The following DSE variants were observed in gnomAD, a reference collection of about 807,000 sequenced individuals.
The protein encoded by DSE is dermatan sulfate epimerase.
Under a neutral mutation model 84.4 loss-of-function variants are expected in DSE, and 36 were observed. The observed-to-expected ratio is 0.43, with a 90% CI of 0.33 to 0.56. DSE has a LOEUF of 0.56. Among genes scored for constraint, DSE ranks in the 20% least tolerant of loss-of-function variants. The pLI, the probability that DSE is intolerant of heterozygous loss-of-function variation, is 0.06. For synonymous variants in DSE, 410 were observed against 430.1 expected (o/e 0.95, Z 0.58); for missense variants, 862 against 1,169.6 (o/e 0.74, Z 3.84).
intron 2 of DSE, among the ~76,000 whole-genome samples, chr6:116,275,665 T>C (rs1047751725): frequency 3.9e-5 from 6 of 152,140 alleles, no homozygotes; most frequent in African/African-American, 1.2e-4. Context: ...CCGGGCGTGG[T>C]AGCACGTGCC....
At chr6:116,312,957 G>A (rs1203551954) in intron 2 of DSE, among the ~76,000 whole-genome samples, 1 of 152,040 alleles carries the variant, frequency 6.6e-6, no homozygotes, top group Non-Finnish European at 1.5e-5. Flanking sequence ...AAATATATAT[G>A]TATATAGAAG....
intron 2 of DSE, among the ~76,000 whole-genome samples, chr6:116,348,884 C>T (rs1778152751): frequency 6.6e-6 from 1 of 151,258 alleles, no homozygotes; most frequent in South Asian, 2.1e-4. Flanking sequence ...GACAGAAAAC[C>T]AAACACCACA....
chr6:116,359,194 TAAAGA>T (rs1778750075), intron 2 of DSE, among the ~76,000 whole-genome samples: 2 of 152,124 alleles, frequency 1.3e-5, no homozygotes, highest in African/African-American at 4.8e-5. Context: ...AGTTTTAGTT[TAAAGA>T]AAAGGTTTGA....
chr6:116,338,175 CTCTT>C (rs1175457799), intron 2 of DSE, among the ~76,000 whole-genome samples: 3,150 of 122,860 alleles, frequency 0.026, 126 homozygotes, highest in African/African-American at 0.086. Flanking sequence ...CTGTCTCTTT[CTCTT>C]TCTTTCTTTC....
chr6:116,294,089 T>C (rs753604315), intron 2 of DSE, among the ~76,000 whole-genome samples: 2 of 152,136 alleles, frequency 1.3e-5, no homozygotes, highest in Non-Finnish European at 2.9e-5. Flanking sequence ...AGTGGCATGA[T>C]CACAGTTCTC....
intron 2 of DSE, among the ~76,000 whole-genome samples, chr6:116,306,302 A>G (rs1200454852): frequency 6.6e-6 from 1 of 152,236 alleles, no homozygotes; most frequent in East Asian, 1.9e-4. Flanking sequence ...TATCCAAACA[A>G]CAGACTTTAT....
At chr6:116,386,555 A>T (rs1232915759) in intron 1 of DSE, among the ~76,000 whole-genome samples, 1 of 152,244 alleles carries the variant, frequency 6.6e-6, no homozygotes, top group Non-Finnish European at 1.5e-5. Context: ...ATACATGCAA[A>T]GCGTTGCTAG....
intron 1 of DSE, among the ~76,000 whole-genome samples, chr6:116,396,156 T>A (rs1367012438): frequency 6.6e-6 from 1 of 152,206 alleles, no homozygotes; most frequent in African/African-American, 2.4e-5. Flanking sequence ...AGGGATTTGG[T>A]TCAGCACAGC....
chr6:116,382,684 G>A (rs774367949), intron 1 of DSE, among the ~76,000 whole-genome samples: 13 of 152,140 alleles, frequency 8.5e-5, no homozygotes, highest in Non-Finnish European at 1.5e-4. Flanking sequence ...GTGGAAAGGG[G>A]CAAAAACTCT....
intron 2 of DSE, among the ~76,000 whole-genome samples, chr6:116,294,170 T>A (rs552551408): frequency 1.1e-3 from 161 of 152,006 alleles, no homozygotes; most frequent in Middle Eastern, 3.4e-3. Flanking sequence ...ACTACAGGCA[T>A]GTGCCACCAT....
chr6:116,359,052 C>T (rs1416810436), intron 2 of DSE, among the ~76,000 whole-genome samples: 2 of 152,038 alleles, frequency 1.3e-5, no homozygotes, highest in East Asian at 3.8e-4. Flanking sequence ...TTTGGTTGAT[C>T]AAATTCTCTT....
At chr6:116,347,607 C>T (rs1471596373) in intron 2 of DSE, among the ~76,000 whole-genome samples, 4 of 152,198 alleles carry the variant, frequency 2.6e-5, no homozygotes, top group African/African-American at 7.2e-5. Context: ...AAAGCTGAAA[C>T]TGGATCCCTT....
In DSE at chr6:116,399,401, G is replaced by A. The variant is rs1781457340; in HGVS notation, c.151G>A (p.Ala51Thr). ...DSHPMLYFSR[A>T]EVAELQLRAA... ...CCATCCCATGCTGTACTTCTCCAGG[G>A]CAGAAGTGGCGGAGCTGCAGCTCAG... is the stretch of plus-strand genomic sequence containing the variant. Residue 51 changes from alanine to threonine, a missense_variant, in exon 2 of 6, where the codon GCA (alanine) becomes ACA (threonine). By Grantham distance (58) the Ala-to-Thr change is moderately conservative. Transcript: ENST00000644252. 1 of 1,614,144 alleles carries A rather than the reference G, an allele frequency of 6.2e-7. No homozygotes were observed. The highest frequency in any genetic ancestry group is 1.1e-5 in the South Asian group (1 of 91,086).
rs374225961 is a variant in DSE, at chr6:116,406,105, C to G, written c.416+6439C>G. ...TCTTTGTAAGATATGTTTATTGACT[C>G]TAAGATTCAGTATTGGTATGACCCT... On this transcript the variant is annotated intron_variant, in intron 2 of 5. Transcript: ENST00000644252. 3.0e-4 allele frequency among the ~76,000 whole-genome samples: 45 copies of G among 152,310 alleles called. No homozygotes were observed. The South Asian group carries it at 8.1e-3, about 27-fold the overall frequency.
chr6:116,400,846 T>G (rs578167231), intron 2 of DSE: 1 of 152,316 alleles, frequency 6.6e-6, no homozygotes, highest in East Asian at 1.9e-4. Context: ...AAAACTTATC[T>G]GATATTTGAA....
intron 1 of DSE, among the ~76,000 whole-genome samples, chr6:116,371,739 G>T (rs949423877): frequency 6.6e-6 from 1 of 152,210 alleles, no homozygotes; most frequent in Non-Finnish European, 1.5e-5. Context: ...CCCCGAGGCA[G>T]TCCCGGGGAG....
intron 2 of DSE, among the ~76,000 whole-genome samples, chr6:116,348,903 C>T (rs1201279794): frequency 6.6e-6 from 1 of 151,716 alleles, no homozygotes; most frequent in Non-Finnish European, 1.5e-5. Context: ...CATGTTCTCA[C>T]TCATAGGTGG....
intron 5 of DSE, among the ~76,000 whole-genome samples, chr6:116,435,152 A>G (rs1784068397): frequency 6.6e-6 from 1 of 152,236 alleles, no homozygotes; most frequent in Admixed American, 6.5e-5. Flanking sequence ...ACATTCAATA[A>G]TATCAGTTAC....
chr6:116,378,442 A>G (rs1780049619), intron 1 of DSE, among the ~76,000 whole-genome samples: 1 of 152,088 alleles, frequency 6.6e-6, no homozygotes. Context: ...ATGCCTTTAC[A>G]TTTTCTACTT....
Sources: allele counts gnomAD v4.1 joint callset (sites outside exome capture counted in the v4.1 genomes callset), GRCh38; gene constraint gnomAD v4.1.1; transcripts MANE v1.5; gene names NCBI Gene and HGNC (gene_info 2026-07-23, HGNC 2026-07-21).